Variants in PIEZO2 observed in about 807,000 individuals in gnomAD.
PIEZO2 encodes the protein piezo-type mechanosensitive ion channel component 2.
Under a neutral mutation model 337.3 loss-of-function variants are expected in PIEZO2, and 172 were observed. The observed-to-expected ratio is 0.51, with a 90% CI of 0.45 to 0.58. The LOEUF (loss-of-function observed/expected upper bound fraction) is 0.58, where lower values mean the gene tolerates loss of function less well. Among genes scored for constraint, PIEZO2 ranks in the 20% least tolerant of loss-of-function variants. PIEZO2 has a pLI of 0.00. For missense variants in PIEZO2, 3,028 were observed against 3,391.3 expected (o/e 0.89, Z 2.66); for synonymous variants, 1,251 against 1,228.5 (o/e 1.02, Z -0.38).
In PIEZO2 at chr18:10,691,375, C is replaced by A. The variant is rs748207469; in HGVS notation, c.7199G>T (p.Ser2400Ile). ...CCAAAGCTGGGCAACCAGGTTCTGG[C>A]TGAATTTCCTAAAATGTAAAAGTAC... ...ILPGVTERKF[S>I]QNLVAQLWYF... The change falls in exon 48 of 56, where the codon AGC becomes ATC. Residue 2400 changes from serine (S) to isoleucine (I), a missense_variant. Physicochemically the swap from Ser to Ile is moderately radical, Grantham distance 142 (BLOSUM62 -2). Transcript: ENST00000674853. The A allele has an allele frequency of 6.2e-7, 1 of 1,612,222 alleles. No homozygotes were observed.
In PIEZO2 at chr18:11,096,870, A is replaced by G. The variant is rs1213751626; in HGVS notation, c.65-30648T>C. Among the ~76,000 whole-genome samples the G allele has an allele frequency of 6.6e-6, 1 of 152,220 alleles. No homozygotes were observed. Among genetic ancestry groups the G allele is most frequent in the Non-Finnish European group, 1.5e-5 (1 of 68,044 alleles). On this transcript the variant is annotated intron_variant, in intron 1 of 55. Coordinates refer to ENST00000674853, the MANE Select transcript of PIEZO2 (RefSeq NM_001378183.1). This position sits in a 1 kb window ranked among gnomAD's most constrained non-coding sequence, Gnocchi z 4.6. ...ATGGACTTCAGGGGGGTGGTACCACAGTGGCAGAGAATCACCAAAGGTGGA... is the reference window on the plus strand; with the variant it reads ...ATGGACTTCAGGGGGGTGGTACCACGGTGGCAGAGAATCACCAAAGGTGGA...
chr18:10,820,906 T>C (rs2040502640), intron 7 of PIEZO2, among the ~76,000 whole-genome samples: 2 of 152,218 alleles, frequency 1.3e-5, no homozygotes, highest in African/African-American at 4.8e-5. Flanking sequence ...TGGCCAAAGC[T>C]AAAATATTTT....
At chr18:10,964,705 A>G (rs1268731742) in intron 3 of PIEZO2, among the ~76,000 whole-genome samples, 1 of 152,152 alleles carries the variant, frequency 6.6e-6, no homozygotes, top group Non-Finnish European at 1.5e-5. Context: ...TAGTTCCAGA[A>G]CACCATCATC....
At chr18:11,062,056 C>G (rs1040373578) in intron 2 of PIEZO2, among the ~76,000 whole-genome samples, 29 of 152,112 alleles carry the variant, frequency 1.9e-4, no homozygotes, top group Non-Finnish European at 4.1e-4. Context: ...GGTACCAAAA[C>G]AGAGATATAG....
At chr18:10,832,186 C>T (rs560135495) in intron 7 of PIEZO2, among the ~76,000 whole-genome samples, 48 of 152,016 alleles carry the variant, frequency 3.2e-4, no homozygotes, top group East Asian at 1.4e-3. Flanking sequence ...TAATCAGCTA[C>T]GCCGAGATCA....
In PIEZO2 at chr18:10,759,983, T is replaced by C. The variant is rs1395640180; in HGVS notation, c.3451-74A>G. The C allele has an allele frequency of 1.1e-5, 15 of 1,336,432 alleles. No homozygotes were observed. The highest frequency in any genetic ancestry group is 1.4e-5 in the Non-Finnish European group (14 of 969,908). 82.8% of individuals were successfully genotyped at this position (1,336,432 alleles called of 1,614,324 possible). On this transcript the variant is annotated intron_variant, in intron 24 of 55. Transcript: ENST00000674853. The surrounding 1 kb of genome is among the most constrained non-coding windows in gnomAD (Gnocchi z 5.5). ...AAGGGGACTGGTGATAGGTGTCAGGTCTGTGTAGATGGCGGAGACCCATGT... is the reference window on the plus strand; with the variant it reads ...AAGGGGACTGGTGATAGGTGTCAGGCCTGTGTAGATGGCGGAGACCCATGT...
intron 36 of PIEZO2, among the ~76,000 whole-genome samples, chr18:10,725,736 C>T (rs1176360503): frequency 6.6e-6 from 1 of 152,204 alleles, no homozygotes; most frequent in Middle Eastern, 3.2e-3. Context: ...TCCACAGTGG[C>T]GGCAGGGCTG....
Position 10,969,178 on chromosome 18 carries a change from G to C in PIEZO2, c.286+10357C>G, listed in dbSNP as rs571944293. Among the ~76,000 whole-genome samples the C allele has an allele frequency of 1.3e-5, 2 of 152,110 alleles. No homozygotes were observed. Among genetic ancestry groups the C allele is most frequent in the African/African-American group, 4.8e-5 (2 of 41,414 alleles). ...AAACATACAGTTATAGCTTTACATT[G>C]TTCGTCTATAATTTTGAGGTTGAGT... is the stretch of plus-strand genomic sequence containing the variant. On this transcript the variant is annotated intron_variant, in intron 3 of 55. Transcript: ENST00000674853. The surrounding 1 kb of genome is among the most constrained non-coding windows in gnomAD (Gnocchi z 4.5).
Position 10,794,628 on chromosome 18 carries a change from G to T in PIEZO2, c.1758+144C>A, listed in dbSNP as rs373175347. 7.4e-5 allele frequency: 51 copies of T among 690,194 alleles called. No homozygotes were observed. The East Asian group carries it at 1.2e-3, about 17-fold the overall frequency. 42.8% of individuals were successfully genotyped at this position (690,194 alleles called of 1,614,324 possible). ...TAGAGGCCTCTAAGCACCGCAAACT[G>T]TTTCTTACAGTCTCATGTTTGTTCA... is the stretch of plus-strand genomic sequence containing the variant. On this transcript the variant is annotated intron_variant, in intron 13 of 55. Coordinates refer to ENST00000674853, the MANE Select transcript of PIEZO2 (RefSeq NM_001378183.1). The surrounding 1 kb of genome is among the most constrained non-coding windows in gnomAD (Gnocchi z 6.6).
At position 10,702,086 on chromosome 18, in the gene PIEZO2, T is replaced by C. The variant is rs1156452496; in HGVS notation, c.6344A>G (p.His2115Arg). 1 of 1,536,896 alleles carries C rather than the reference T, an allele frequency of 6.5e-7. No individual in the cohort carries two copies. Among genetic ancestry groups the C allele is most frequent in the Non-Finnish European group, 8.7e-7 (1 of 1,146,806 alleles). The change falls in exon 43 of 56, where the codon CAC (histidine) becomes CGC (arginine). Residue 2115 changes from histidine to arginine, a missense_variant. Coordinates refer to ENST00000674853, the MANE Select transcript of PIEZO2 (RefSeq NM_001378183.1). ...NVEVNKDKPY[H>R]PPNIIGVEKK... is the part of the protein sequence containing the mutation. Reference sequence around the variant, plus strand: ...TTCCACTCCTATGATGTTTGGGGGGTGATACGGTTTATCTTTGTTCACCTC... The same window carrying C: ...TTCCACTCCTATGATGTTTGGGGGGCGATACGGTTTATCTTTGTTCACCTC...
rs374051556 is a variant in PIEZO2 at position 10,736,620 on chromosome 18, C to T, written c.4799G>A (p.Arg1600Gln). Residue 1600 changes from arginine to glutamine, a missense_variant, in exon 34 of 56, where the codon CGA becomes CAA. By Grantham distance (43) the Arg-to-Gln change is conservative. Transcript: ENST00000674853. ...CATAATTACCTGGAATGCTGACCTT[C>T]GTGGAGGTTCTTCATCTTCCTTCTT... ...ELKKEDEEPP[R>Q]RSAFQRAIGK... The T allele has an allele frequency of 9.0e-5, 139 of 1,537,064 alleles. No homozygotes were observed. Among genetic ancestry groups the T allele is most frequent in the Middle Eastern group, 8.3e-4 (5 of 6,012 alleles).
chr18:11,148,411 G>A lies in PIEZO2; in HGVS notation c.64+114C>T. On this transcript the variant is annotated intron_variant, in intron 1 of 55. Coordinates refer to ENST00000674853, the MANE Select transcript of PIEZO2 (RefSeq NM_001378183.1). The surrounding 1 kb of genome is among the most constrained non-coding windows in gnomAD (Gnocchi z 5.2). ...GGGACAGCGCGCGTCTGACGCCGCT[G>A]GCCTCCCGAATCGAACCCCAGAGCA... The A allele has an allele frequency of 4.1e-6, 5 of 1,219,982 alleles. 1 individual carries two copies. The South Asian group carries it at 5.5e-5, about 13-fold the overall frequency. The allele number at this position is 1,219,982 out of a possible 1,614,324, so 75.6% of individuals were successfully genotyped here.
In PIEZO2 at chr18:11,148,915, C is replaced by G. The variant is rs1055683145; in HGVS notation, c.-327G>C. Among the ~76,000 whole-genome samples the G allele has an allele frequency of 6.6e-6, 1 of 152,124 alleles. No homozygotes were observed. The highest frequency in any genetic ancestry group is 1.5e-5 in the Non-Finnish European group (1 of 68,006). On this transcript the variant is annotated 5_prime_UTR_variant, in exon 1 of 56. Coordinates refer to ENST00000674853, the MANE Select transcript of PIEZO2 (RefSeq NM_001378183.1). The surrounding 1 kb of genome is among the most constrained non-coding windows in gnomAD (Gnocchi z 5.2). Reference sequence around the variant, plus strand: ...CGGCTTCTTCAGGGGTAGCTGATGCCGGGGCCTTGGAGAGGGACGCTTTGG... The same window carrying G: ...CGGCTTCTTCAGGGGTAGCTGATGCGGGGGCCTTGGAGAGGGACGCTTTGG...
chr18:10,932,848 T>C (rs2032170830), intron 3 of PIEZO2, among the ~76,000 whole-genome samples: 2 of 151,768 alleles, frequency 1.3e-5, no homozygotes, highest in South Asian at 2.1e-4. Context: ...CACTTGAGCC[T>C]AGGAGATCGA....
At chr18:10,675,640 C>A (rs1333997777) in intron 53 of PIEZO2, among the ~76,000 whole-genome samples, 1 of 152,174 alleles carries the variant, frequency 6.6e-6, no homozygotes, top group Non-Finnish European at 1.5e-5. Flanking sequence ...ATTAAGCACG[C>A]TTCAAATTTT....
rs768744593 is a variant in PIEZO2 at position 10,945,166 on chromosome 18, G to T, written c.287-33938C>A. Among the ~76,000 whole-genome samples the T allele has an allele frequency of 5.9e-5, 9 of 152,184 alleles. No individual in the cohort carries two copies. The highest frequency in any genetic ancestry group is 1.3e-4 in the Non-Finnish European group (9 of 68,036). ...GAGGAAACTACCTGAATCTGAAGAAGACGCCCTATGATTTTTAGGTGTTAT... is the reference window on the plus strand; with the variant it reads ...GAGGAAACTACCTGAATCTGAAGAATACGCCCTATGATTTTTAGGTGTTAT... On this transcript the variant is annotated intron_variant, in intron 3 of 55. Coordinates refer to ENST00000674853, the MANE Select transcript of PIEZO2 (RefSeq NM_001378183.1). The surrounding 1 kb of genome is among the most constrained non-coding windows in gnomAD (Gnocchi z 4.0).
In PIEZO2 at chr18:10,773,653, C is replaced by A; in HGVS notation, c.2568-24G>T. On this transcript the variant is annotated intron_variant, in intron 19 of 55. Transcript: ENST00000674853. The surrounding 1 kb of genome is among the most constrained non-coding windows in gnomAD (Gnocchi z 5.3). ...GTCTGTTGGCAGAGAGCAGCTGAGT[C>A]AGAAGAGGAAAGGGTGTTGGGAGAG... 1 of 1,534,188 alleles carries A rather than the reference C, an allele frequency of 6.5e-7. No individual in the cohort carries two copies. The highest frequency in any genetic ancestry group is 1.2e-5 in the South Asian group (1 of 83,976).
At chr18:11,017,655 T>A (rs1466514039) in intron 2 of PIEZO2, among the ~76,000 whole-genome samples, 2 of 152,158 alleles carry the variant, frequency 1.3e-5, no homozygotes, top group Non-Finnish European at 2.9e-5. Context: ...ATAAAAGAAA[T>A]CGTATGCCAA....
At chr18:10,762,753 G>C in intron 22 of PIEZO2, 128 bp from the exon 23 acceptor site, 1 of 1,330,160 alleles carries the variant, frequency 7.5e-7, no homozygotes, top group Non-Finnish European at 1.0e-6. Flanking sequence ...TTTCAGGGGA[G>C]ACCTCAGTAT....
Sources: gnomAD v4.1 joint callset for allele counts (sites outside exome capture counted in the v4.1 genomes callset) on GRCh38, gnomAD v4.1.1 for gene constraint, Gnocchi (gnomAD v3.1) non-coding constraint, MANE v1.5 for transcripts, NCBI Gene and HGNC (gene_info 2026-07-23, HGNC 2026-07-21) for gene names.